Variants in VRK2 observed in about 807,000 individuals in gnomAD.
VRK2 encodes the protein serine/threonine-protein kinase VRK2.
VRK2 carries 60 observed loss-of-function variants against 57.6 expected under a neutral mutation model. The observed-to-expected ratio is 1.04, with a 90% CI of 0.85 to 1.29. The LOEUF (loss-of-function observed/expected upper bound fraction) is 1.29. Ranked by LOEUF, VRK2 falls within the 50% of genes most tolerant of loss-of-function variation. VRK2 has a pLI of 0.00. For missense variants in VRK2, 705 were observed against 588.1 expected (o/e 1.20, Z -2.06); for synonymous variants, 231 against 199.2 (o/e 1.16, Z -1.35).
At chr2:57,935,551 T>C (rs541453942) in intron 1 of VRK2, among the ~76,000 whole-genome samples, 2 of 152,186 alleles carry the variant, frequency 1.3e-5, no homozygotes, top group South Asian at 2.1e-4. Context: ...GTGAGACACA[T>C]GGAGTTTTGG....
chr2:58,065,966 A>T (rs773105972), intron 2 of VRK2, among the ~76,000 whole-genome samples: 1 of 152,042 alleles, frequency 6.6e-6, no homozygotes, highest in Non-Finnish European at 1.5e-5. Context: ...CTTACATGCT[A>T]TGAATTTGGT....
chr2:58,043,048 G>T (rs1010083934), upstream of VRK2, among the ~76,000 whole-genome samples: 1 of 152,042 alleles, frequency 6.6e-6, no homozygotes, highest in Non-Finnish European at 1.5e-5. Context: ...AGGTTTACCT[G>T]CTCCTGTTGC....
intron 2 of VRK2, chr2:58,058,584 A>G: frequency 3.7e-6 from 1 of 271,100 alleles, no homozygotes; most frequent in Non-Finnish European, 7.5e-6. Context: ...AGTAAAAAAG[A>G]ATGAAAGAAG....
chr2:58,113,718 A>C (rs1415195575), intron 7 of VRK2, among the ~76,000 whole-genome samples: 1 of 152,130 alleles, frequency 6.6e-6, no homozygotes, highest in Non-Finnish European at 1.5e-5. Context: ...GGGCAGGAAC[A>C]AATCACAATG....
chr2:58,044,438 G>A (rs1177071645), upstream of VRK2, among the ~76,000 whole-genome samples: 3 of 152,174 alleles, frequency 2.0e-5, no homozygotes, highest in Non-Finnish European at 4.4e-5. Flanking sequence ...CCTTTCTAGG[G>A]GTTGGGGATA....
chr2:58,134,651 C>G (rs1197544292), intron 9 of VRK2, among the ~76,000 whole-genome samples: 9 of 150,218 alleles, frequency 6.0e-5, no homozygotes, highest in Admixed American at 3.3e-4. Flanking sequence ...TATGGACAGG[C>G]TTTGCTGGAT....
chr2:58,139,234 G>T (rs1680972671), intron 10 of VRK2, among the ~76,000 whole-genome samples: 1 of 152,036 alleles, frequency 6.6e-6, no homozygotes, highest in Non-Finnish European at 1.5e-5. Flanking sequence ...ATTAAAATTT[G>T]CAGTTTTTTT....
chr2:57,960,231 T>C (rs1309194344), intron 1 of VRK2, among the ~76,000 whole-genome samples: 1 of 152,124 alleles, frequency 6.6e-6, no homozygotes, highest in Non-Finnish European at 1.5e-5. Context: ...GAATATATTT[T>C]TACATACTTC....
rs1032059731 is a variant in VRK2, at chr2:57,959,059, G to A, written c.-439+51220G>A. ...ATTCTACCTGCAAAACTAAGAGGCA[G>A]GGGTCGTTGCCATTCATCCTATTTT... On this transcript the variant is annotated intron_variant, in intron 1 of 15. Coordinates refer to the VRK2 transcript ENST00000417641. Among the ~76,000 whole-genome samples the A allele has an allele frequency of 2.0e-5, 3 of 152,192 alleles. No homozygotes were observed. The South Asian group carries it at 6.2e-4, about 31-fold the overall frequency.
chr2:58,068,081 T>C (rs1267213065), intron 2 of VRK2, among the ~76,000 whole-genome samples: 1 of 151,812 alleles, frequency 6.6e-6, no homozygotes, highest in Non-Finnish European at 1.5e-5. Flanking sequence ...AGGTGTATGC[T>C]ACGACGCCCA....
intron 1 of VRK2, among the ~76,000 whole-genome samples, chr2:57,926,614 C>CTT (rs1434266070): frequency 6.6e-6 from 1 of 151,580 alleles, no homozygotes; most frequent in Non-Finnish European, 1.5e-5. Context: ...TTGTTGGCCT[C>CTT]TTTTTACAGT....
chr2:57,986,383 A>G (rs1171531344), intron 1 of VRK2, among the ~76,000 whole-genome samples: 1 of 152,186 alleles, frequency 6.6e-6, no homozygotes, highest in Non-Finnish European at 1.5e-5. Context: ...TTTCCAATCA[A>G]AATTCCAGCA....
At chr2:57,929,270 C>T (rs140577216) in intron 1 of VRK2, among the ~76,000 whole-genome samples, 5 of 152,218 alleles carry the variant, frequency 3.3e-5, no homozygotes, top group Non-Finnish European at 5.9e-5. Context: ...CCAAGCCACA[C>T]GACAGAGTCC....
chr2:58,082,128 T>A (rs910960930), intron 2 of VRK2, among the ~76,000 whole-genome samples: 1 of 151,784 alleles, frequency 6.6e-6, no homozygotes, highest in African/African-American at 2.4e-5. Flanking sequence ...TGTGTAGCTA[T>A]CAAGTGATGA....
At chr2:58,106,097 G>T (rs769798087) in intron 7 of VRK2, among the ~76,000 whole-genome samples, 1 of 151,830 alleles carries the variant, frequency 6.6e-6, no homozygotes, top group Non-Finnish European at 1.5e-5. Context: ...CTCTTCCATT[G>T]CTTTTTTAAT....
At chr2:58,140,085 T>TA (rs1444832629) in intron 11 of VRK2, among the ~76,000 whole-genome samples, 2 of 152,058 alleles carry the variant, frequency 1.3e-5, no homozygotes, top group East Asian at 3.9e-4. Context: ...GAGATGTGAC[T>TA]AGGGTAAAGG....
chr2:57,944,735 CA>C (rs200114144), intron 1 of VRK2, among the ~76,000 whole-genome samples: 3,867 of 121,080 alleles, frequency 0.032, 225 homozygotes, highest in East Asian at 0.3. Flanking sequence ...GACTCTGTCT[CA>C]AAAAAAAAAA....
intron 1 of VRK2, among the ~76,000 whole-genome samples, chr2:57,919,422 G>C (rs528061317): frequency 1.2e-4 from 19 of 152,014 alleles, no homozygotes; most frequent in African/African-American, 4.3e-4. Context: ...TCGATTTCTG[G>C]CTGGCAATAA....
At chr2:58,117,450 C>G (rs1352728855) in intron 7 of VRK2, among the ~76,000 whole-genome samples, 1 of 151,778 alleles carries the variant, frequency 6.6e-6, no homozygotes, top group South Asian at 2.1e-4. Flanking sequence ...CCTAGCTTGG[C>G]CTGGTGAGGA....
Sources: gnomAD v4.1 joint callset for allele counts (sites outside exome capture counted in the v4.1 genomes callset) on GRCh38, gnomAD v4.1.1 for gene constraint, MANE v1.5 for transcripts, NCBI Gene and HGNC (gene_info 2026-07-23, HGNC 2026-07-21) for gene names.